The following DYNC2H1 variants were observed in gnomAD, a reference collection of about 807,000 sequenced individuals.
DYNC2H1 encodes dynein cytoplasmic 2 heavy chain 1.
DYNC2H1 carries 410 observed loss-of-function variants against 570.0 expected under a neutral mutation model. That is an observed-to-expected ratio of 0.72 (90% CI 0.66 to 0.78). The LOEUF (loss-of-function observed/expected upper bound fraction) is 0.78. Ranked by LOEUF, DYNC2H1 falls within the 30% of genes least tolerant of loss-of-function variation. The pLI, the probability that DYNC2H1 is intolerant of heterozygous loss-of-function variation, is 0.00. For missense variants in DYNC2H1, 4,865 were observed against 5,046.4 expected, an observed-to-expected ratio of 0.96 and a Z score of 1.09; for synonymous variants, 1,688 against 1,677.6, an observed-to-expected ratio of 1.01 and a Z score of -0.15.
At chr11:103,251,400 T>G (rs1591475479) in intron 65 of DYNC2H1, among the ~76,000 whole-genome samples, 1 of 104,480 alleles carries the variant, frequency 9.6e-6, no homozygotes, top group East Asian at 2.4e-4. Flanking sequence ...TTTTGTTGGG[T>G]TTTTTAAAAA....
At chr11:103,231,948 G>GA (rs200159280) in intron 60 of DYNC2H1, among the ~76,000 whole-genome samples, 1,863 of 151,260 alleles carry the variant, frequency 0.012, 19 homozygotes, top group South Asian at 0.023. Context: ...AATACTTATA[G>GA]AAAAAAATCA....
intron 54 of DYNC2H1, among the ~76,000 whole-genome samples, chr11:103,212,171 A>G (rs1326988544): frequency 6.6e-6 from 1 of 151,934 alleles, no homozygotes; most frequent in African/African-American, 2.4e-5. Flanking sequence ...GCTGGTTGGC[A>G]TTTATGGATT....
intron 70 of DYNC2H1, among the ~76,000 whole-genome samples, chr11:103,269,616 C>T (rs1204921676): frequency 2.6e-5 from 4 of 152,114 alleles, no homozygotes; most frequent in Non-Finnish European, 4.4e-5. Context: ...TGTTAATAAA[C>T]TAAAACACAT....
chr11:103,282,922 A>G, intron 72 of DYNC2H1, 86 bp from the exon 73 acceptor site: 1 of 999,724 alleles, frequency 1.0e-6, no homozygotes, highest in Non-Finnish European at 1.5e-6. Context: ...ATTTTTTTCA[A>G]AATAATAAAA....
chr11:103,287,866 G>C (rs1866410697), intron 75 of DYNC2H1: 1 of 338,932 alleles, frequency 3.0e-6, no homozygotes, highest in Admixed American at 4.7e-5. Flanking sequence ...AATTGCCATG[G>C]AGAAAGAGTA....
rs1460508191 is a variant in DYNC2H1, at chr11:103,177,899, G to A, written c.6139+79G>A. On this transcript the variant is annotated intron_variant, in intron 38 of 88. Coordinates refer to ENST00000375735, the MANE Select transcript of DYNC2H1 (RefSeq NM_001377.3). The surrounding 1 kb of genome is among the most constrained non-coding windows in gnomAD (Gnocchi z 4.4). Reference sequence around the variant, plus strand: ...ATAATTTGTCTATAATGCTGTCTTTGTCAAGACTTCTACATGACCATAAAG... The same window carrying A: ...ATAATTTGTCTATAATGCTGTCTTTATCAAGACTTCTACATGACCATAAAG... The A allele has an allele frequency of 1.9e-5, 28 of 1,442,646 alleles. No homozygotes were observed. Among genetic ancestry groups the A allele is most frequent in the Non-Finnish European group, 2.6e-5 (28 of 1,084,418 alleles). 89.4% of individuals were successfully genotyped at this position (1,442,646 alleles called of 1,614,324 possible). A position where few individuals can be genotyped will look rare whatever the true frequency, so the allele number is the denominator to read the frequency against.
intron 11 of DYNC2H1, among the ~76,000 whole-genome samples, chr11:103,124,445 CAAAAAAAAAA>C (rs34997507): frequency 2.8e-5 from 2 of 71,388 alleles, no homozygotes; most frequent in East Asian, 4.3e-4. Context: ...TACCCTGTCT[CAAAAAAAAAA>C]AAAAAAAAAA....
At chr11:103,358,726 T>C (rs1007759308) in intron 83 of DYNC2H1, among the ~76,000 whole-genome samples, 4 of 152,166 alleles carry the variant, frequency 2.6e-5, no homozygotes, top group Non-Finnish European at 5.9e-5. Context: ...ATTGGCAGTT[T>C]TGTATTTTCT....
Position 103,199,463 on chromosome 11 carries a change from A to G in DYNC2H1, c.8075A>G (p.Asn2692Ser). The change falls in exon 49 of 89, where the codon AAT becomes AGT. Residue 2692 changes from asparagine to serine, a missense_variant. Asn to Ser is a conservative substitution (Grantham distance 46, BLOSUM62 1). This residue lies in a region of DYNC2H1 where 2,401 missense variants were observed against 2,454.6 expected (regional missense o/e 0.98). Coordinates refer to ENST00000375735, the MANE Select transcript of DYNC2H1 (RefSeq NM_001377.3). The surrounding 1 kb of genome is among the most constrained non-coding windows in gnomAD (Gnocchi z 4.6). ...GGATATGAACTGAAGCAGTTCAAAA[A>G]TGATCTCAAACATGTGAGTTGCCCA... The part of the protein sequence containing the change: ...SRGYELKQFK[N>S]DLKHVLQLAG... 1 of 1,575,062 alleles carries G rather than the reference A, an allele frequency of 6.3e-7. No homozygotes were observed. The highest frequency in any genetic ancestry group is 8.6e-7 in the Non-Finnish European group (1 of 1,158,890).
chr11:103,232,269 A>G (rs1565416140), intron 60 of DYNC2H1, among the ~76,000 whole-genome samples: 1 of 151,960 alleles, frequency 6.6e-6, no homozygotes, highest in Non-Finnish European at 1.5e-5. Flanking sequence ...CCTTAAAACA[A>G]TGATGAGAAG....
rs1201163003 is a variant in DYNC2H1 at position 103,268,063 on chromosome 11, A to G, written c.10695+8086A>G. On this transcript the variant is annotated intron_variant, in intron 70 of 88. Coordinates refer to ENST00000375735, the MANE Select transcript of DYNC2H1 (RefSeq NM_001377.3). The surrounding 1 kb of genome is among the most constrained non-coding windows in gnomAD (Gnocchi z 4.6). ...AGTGAATATCCTATATGGTACACTT[A>G]TTTTTATGTATAGTATAAGTATTTC... is the stretch of plus-strand genomic sequence containing the variant. Among the ~76,000 whole-genome samples the G allele has an allele frequency of 6.6e-6, 1 of 152,024 alleles. No individual in the cohort carries two copies. The highest frequency in any genetic ancestry group is 1.5e-5 in the Non-Finnish European group (1 of 67,900).
intron 81 of DYNC2H1, 73 bp from the exon 82 acceptor site, chr11:103,323,813 C>A: frequency 8.9e-7 from 1 of 1,121,290 alleles, no homozygotes; most frequent in Non-Finnish European, 1.3e-6. Context: ...TCAAAGTATT[C>A]TTTCTTATTT....
intron 84 of DYNC2H1, chr11:103,403,772 T>G (rs1173162519): frequency 6.6e-6 from 1 of 152,038 alleles, no homozygotes; most frequent in Non-Finnish European, 1.5e-5. Flanking sequence ...TTCAAAGAGT[T>G]GAAGCTCTCC....
Position 103,151,452 on chromosome 11 carries a change from G to A in DYNC2H1, c.2947-684G>A, listed in dbSNP as rs1454887705. On this transcript the variant is annotated intron_variant, in intron 20 of 88. Coordinates refer to ENST00000375735, the MANE Select transcript of DYNC2H1 (RefSeq NM_001377.3). This position sits in a 1 kb window ranked among gnomAD's most constrained non-coding sequence, Gnocchi z 4.6. ...TATATGCATACTGATATTTAAAAAT[G>A]TTTAAATGGATTTTATTGCTTTATT... Among the ~76,000 whole-genome samples the A allele has an allele frequency of 3.9e-5, 6 of 152,098 alleles. No homozygotes were observed. Among genetic ancestry groups the A allele is most frequent in the African/African-American group, 1.4e-4 (6 of 41,414 alleles).
chr11:103,163,179 G>C lies in DYNC2H1; in HGVS notation c.4611+32G>C. On this transcript the variant is annotated intron_variant, in intron 30 of 88. Transcript: ENST00000375735. The surrounding 1 kb of genome is among the most constrained non-coding windows in gnomAD (Gnocchi z 4.6). ...GGGCTTACGTGTAGAAGCTACATAGGCATGGAACGTGGAAAGATCCCTGAC... is the reference window on the plus strand; with the variant it reads ...GGGCTTACGTGTAGAAGCTACATAGCCATGGAACGTGGAAAGATCCCTGAC... The C allele has an allele frequency of 6.3e-7, 1 of 1,592,838 alleles. No homozygotes were observed. Among genetic ancestry groups the C allele is most frequent in the Non-Finnish European group, 8.5e-7 (1 of 1,169,628 alleles).
At chr11:103,473,611 AC>A (rs1290697914) in intron 88 of DYNC2H1, among the ~76,000 whole-genome samples, 1 of 152,208 alleles carries the variant, frequency 6.6e-6, no homozygotes, top group Non-Finnish European at 1.5e-5. Flanking sequence ...AAGATTACTT[AC>A]CACACAACCT....
At chr11:103,160,904 C>A in intron 28 of DYNC2H1, 28 bp from the exon 29 acceptor site, 2 of 1,321,862 alleles carry the variant, frequency 1.5e-6, no homozygotes, top group Non-Finnish European at 1.0e-6. Flanking sequence ...AATCCTTTTG[C>A]AATTCAATCA....
rs779447871 is a variant in DYNC2H1 at position 103,231,243 on chromosome 11, A to G, written c.9354-17A>G. 4 of 1,497,174 alleles carry G rather than the reference A, an allele frequency of 2.7e-6. No individual in the cohort carries two copies. The highest frequency in any genetic ancestry group is 1.8e-5 in the Admixed American group (1 of 55,458). The allele number at this position is 1,497,174 out of a possible 1,614,324, so 92.7% of individuals were successfully genotyped here. A position where few individuals can be genotyped will look rare whatever the true frequency, so the allele number is the denominator to read the frequency against. On this transcript the variant is annotated splice_polypyrimidine_tract_variant and intron_variant, in intron 59 of 88. Coordinates refer to ENST00000375735, the MANE Select transcript of DYNC2H1 (RefSeq NM_001377.3). ...TCTAAAATAGAATGACTTGTATAAT[A>G]TTGAGTTATATTTTAGGAATCTGAA...
intron 1 of DYNC2H1, among the ~76,000 whole-genome samples, chr11:103,111,232 T>C (rs1439079599): frequency 6.6e-6 from 1 of 152,230 alleles, no homozygotes; most frequent in Non-Finnish European, 1.5e-5. Context: ...ACTCAGTACA[T>C]GCAAGGCACT....
Sources: gnomAD v4.1 joint callset for allele counts (sites outside exome capture counted in the v4.1 genomes callset) on GRCh38, gnomAD v4.1.1 for gene constraint, gnomAD v4.1.1 regional missense constraint, Gnocchi (gnomAD v3.1) non-coding constraint, MANE v1.5 for transcripts, NCBI Gene and HGNC (gene_info 2026-07-23, HGNC 2026-07-21) for gene names.